RORA: variants seen among roughly 807,000 people sequenced by gnomAD.
RORA encodes the protein nuclear receptor ROR-alpha.
Under a neutral mutation model 69.5 loss-of-function variants are expected in RORA, and 7 were observed. That is an observed-to-expected ratio of 0.10 (90% confidence interval 0.06 to 0.19). The LOEUF (loss-of-function observed/expected upper bound fraction) is 0.19, where lower values mean the gene tolerates loss of function less well. Ranked by LOEUF, RORA falls within the 10% of genes least tolerant of loss-of-function variation. The probability of loss-of-function intolerance (pLI) is 1.00; values close to 1 mark genes in which losing one functional copy is unlikely to be tolerated. For missense variants in RORA, 457 were observed against 663.0 expected (o/e 0.69, Z 3.41); for synonymous variants, 261 against 240.8 (o/e 1.08, Z -0.78).
intron 1 of RORA, among the ~76,000 whole-genome samples, chr15:60,977,017 T>A (rs1414845797): frequency 1.3e-5 from 2 of 151,572 alleles, no homozygotes; most frequent in Non-Finnish European, 2.9e-5. Context: ...GACACACATA[T>A]GATTAGTACC....
intron 1 of RORA, among the ~76,000 whole-genome samples, chr15:60,902,514 C>T (rs1337576669): frequency 6.6e-6 from 1 of 152,174 alleles, no homozygotes; most frequent in African/African-American, 2.4e-5. Flanking sequence ...ATTTAGAATC[C>T]AGGCCTAGAG....
intron 1 of RORA, among the ~76,000 whole-genome samples, chr15:60,869,379 C>T (rs1183405827): frequency 6.6e-6 from 1 of 152,158 alleles, no homozygotes; most frequent in Non-Finnish European, 1.5e-5. Context: ...ATAGGTGTCA[C>T]CCAGGATAGG....
chr15:60,822,597 CA>C (rs1318462894), intron 1 of RORA, among the ~76,000 whole-genome samples: 7 of 152,216 alleles, frequency 4.6e-5, no homozygotes, highest in Non-Finnish European at 1.5e-5. Context: ...CAATGCTCCC[CA>C]CAACGAGGCT....
intron 1 of RORA, among the ~76,000 whole-genome samples, chr15:61,203,837 G>T (rs78788912): frequency 1.1e-3 from 171 of 152,324 alleles, no homozygotes; most frequent in Non-Finnish European, 2.1e-3. Flanking sequence ...ACAACAATAT[G>T]ACTGACAGCA....
intron 1 of RORA, among the ~76,000 whole-genome samples, chr15:60,930,469 C>A (rs1192477934): frequency 1.3e-5 from 2 of 152,150 alleles, no homozygotes; most frequent in African/African-American, 4.8e-5. Context: ...GGAGGGAAGA[C>A]AAATATACAA....
chr15:61,191,009 C>CAA (rs568737565), intron 1 of RORA, among the ~76,000 whole-genome samples: 25 of 145,282 alleles, frequency 1.7e-4, no homozygotes, highest in Middle Eastern at 3.6e-3. Flanking sequence ...GGAAATGGTC[C>CAA]AAAAAAAAAA....
chr15:60,568,741 T>C (rs1482618329), intron 2 of RORA, among the ~76,000 whole-genome samples: 1 of 152,212 alleles, frequency 6.6e-6, no homozygotes, highest in Non-Finnish European at 1.5e-5. Context: ...TCTTGTAATA[T>C]ACATTTATCT....
At chr15:60,749,097 T>C (rs2071687544) in intron 1 of RORA, among the ~76,000 whole-genome samples, 1 of 152,222 alleles carries the variant, frequency 6.6e-6, no homozygotes, top group Non-Finnish European at 1.5e-5. Flanking sequence ...TTATGAGCAG[T>C]GGTCTTTCCC....
intron 2 of RORA, among the ~76,000 whole-genome samples, chr15:60,596,354 G>T (rs1326565528): frequency 6.6e-6 from 1 of 152,020 alleles, no homozygotes; most frequent in African/African-American, 2.4e-5. Context: ...TTTTGTTATA[G>T]CTGAACAAGA....
chr15:60,838,843 AACACACACACACAC>A (rs58762022), intron 1 of RORA, among the ~76,000 whole-genome samples: 43 of 122,116 alleles, frequency 3.5e-4, no homozygotes, highest in African/African-American at 1.2e-3. Context: ...ACATTCATTC[AACACACACACACAC>A]ACACACACAC....
chr15:61,222,956 C>A (rs1005484164), intron 1 of RORA, among the ~76,000 whole-genome samples: 3 of 152,116 alleles, frequency 2.0e-5, no homozygotes, highest in African/African-American at 7.2e-5. Flanking sequence ...TGGGAGAAAA[C>A]TTATGTTATC....
chr15:60,963,759 ACT>A (rs1893477423), intron 1 of RORA, among the ~76,000 whole-genome samples: 1 of 152,112 alleles, frequency 6.6e-6, no homozygotes, highest in African/African-American at 2.4e-5. Flanking sequence ...ATTCCAGGAG[ACT>A]CTGGCAGACA....
At position 60,511,061 on chromosome 15, in the gene RORA, C is replaced by T. The variant is rs1595883570; in HGVS notation, c.820+165G>A. Among the ~76,000 whole-genome samples, 1 of 152,142 alleles carries T rather than the reference C, an allele frequency of 6.6e-6. No homozygotes were observed. The highest frequency in any genetic ancestry group is 6.5e-5 in the Admixed American group (1 of 15,274). On this transcript the variant is annotated intron_variant, in intron 5 of 10. Transcript: ENST00000335670. The surrounding 1 kb of genome is among the most constrained non-coding windows in gnomAD (Gnocchi z 6.4). ...CATGTATTGGATAAACCATGGGAAACAGCAGAGGGTCAAAAGCAAGGGGGC... is the reference window on the plus strand; with the variant it reads ...CATGTATTGGATAAACCATGGGAAATAGCAGAGGGTCAAAAGCAAGGGGGC...
At chr15:60,974,323 A>G (rs942677800) in intron 1 of RORA, among the ~76,000 whole-genome samples, 3 of 152,326 alleles carry the variant, frequency 2.0e-5, no homozygotes, top group African/African-American at 7.2e-5. Flanking sequence ...TGAACCCCAA[A>G]GCAGCTCTCT....
intron 2 of RORA, among the ~76,000 whole-genome samples, chr15:60,569,718 A>T (rs2067823701): frequency 6.6e-6 from 1 of 152,184 alleles, no homozygotes; most frequent in South Asian, 2.1e-4. Flanking sequence ...ACAGGGGAGG[A>T]TGAACAATAC....
intron 1 of RORA, among the ~76,000 whole-genome samples, chr15:60,964,349 C>T (rs1044154499): frequency 6.6e-6 from 1 of 152,188 alleles, no homozygotes; most frequent in Non-Finnish European, 1.5e-5. Context: ...CAGTTTGAGC[C>T]TTACTGCTAC....
rs1389260378 is a variant in RORA, at chr15:60,847,640, C to CAG, written c.167-168955_167-168954insCT. 4.0e-5 allele frequency: 6 copies of CAG among 151,568 alleles called. No homozygotes were observed. The East Asian group carries it at 1.2e-3, about 30-fold the overall frequency. The allele number at this position is 151,568 out of a possible 1,614,324, so 9.4% of individuals were successfully genotyped here. A position where few individuals can be genotyped will look rare whatever the true frequency, so the allele number is the denominator to read the frequency against. On this transcript the variant is annotated intron_variant, in intron 1 of 10. Transcript: ENST00000335670. ...GGCCAGTCCAAATTGAGGTATGCTT[C>CAG]AAGCATAAAACCCACACTAGATATT...
chr15:60,956,729 T>C (rs1288241113), intron 1 of RORA, among the ~76,000 whole-genome samples: 11 of 152,240 alleles, frequency 7.2e-5, no homozygotes, highest in African/African-American at 2.7e-4. Flanking sequence ...ACTCAATAAA[T>C]AGCTATTACT....
At chr15:61,227,726 G>A (rs957214175) in intron 1 of RORA, among the ~76,000 whole-genome samples, 3 of 152,230 alleles carry the variant, frequency 2.0e-5, no homozygotes, top group African/African-American at 7.2e-5. Flanking sequence ...GAGTGCAAGA[G>A]GAGGGGGCGC....
Sources: gnomAD v4.1 joint callset for allele counts (sites outside exome capture counted in the v4.1 genomes callset) on GRCh38, gnomAD v4.1.1 for gene constraint, Gnocchi (gnomAD v3.1) non-coding constraint, MANE v1.5 for transcripts, NCBI Gene and HGNC (gene_info 2026-07-23, HGNC 2026-07-21) for gene names.